The following CSMD1 variants were observed in gnomAD, a reference collection of about 807,000 sequenced individuals.
CSMD1 encodes CUB and sushi domain-containing protein 1.
A neutral mutation model predicts 417.5 loss-of-function variants in CSMD1; 213 were observed. The observed-to-expected ratio is 0.51, with a 90% CI of 0.46 to 0.57. The LOEUF (loss-of-function observed/expected upper bound fraction) is 0.57. Ranked by LOEUF, CSMD1 falls within the 20% of genes least tolerant of loss-of-function variation. The pLI, the probability that CSMD1 is intolerant of heterozygous loss-of-function variation, is 0.00. For missense variants in CSMD1, 6,923 were observed against 4,529.7 expected (o/e 1.53, Z -15.17); for synonymous variants, 2,862 against 1,736.8 (o/e 1.65, Z -16.11).
intron 7 of CSMD1, among the ~76,000 whole-genome samples, chr8:3,654,339 A>G (rs1276136208): frequency 6.6e-6 from 1 of 152,188 alleles, no homozygotes; most frequent in Non-Finnish European, 1.5e-5. Context: ...TAGAGTTTGA[A>G]AAGTTTGATG....
intron 17 of CSMD1, among the ~76,000 whole-genome samples, chr8:3,388,892 T>A (rs1036201135): frequency 9.4e-6 from 1 of 106,328 alleles, no homozygotes; most frequent in Non-Finnish European, 1.9e-5. Flanking sequence ...ACCACACACA[T>A]GCATACACAC....
chr8:3,655,698 A>G (rs547409789), intron 7 of CSMD1, among the ~76,000 whole-genome samples: 1 of 145,610 alleles, frequency 6.9e-6, no homozygotes, highest in Non-Finnish European at 1.5e-5. Context: ...CCACTGCTGT[A>G]TATCCACCCA....
intron 3 of CSMD1, among the ~76,000 whole-genome samples, chr8:4,131,777 T>TC (rs1803121209): frequency 6.8e-6 from 1 of 146,856 alleles, no homozygotes; most frequent in Non-Finnish European, 1.5e-5. Context: ...TTTTTTTTTT[T>TC]TTTGAGACGG....
chr8:3,130,420 C>T (rs1414459479), intron 41 of CSMD1, among the ~76,000 whole-genome samples: 3 of 152,112 alleles, frequency 2.0e-5, no homozygotes, highest in African/African-American at 7.2e-5. Flanking sequence ...ACTGCTTCCC[C>T]TGCTCTACTC....
At chr8:4,343,467 G>C (rs564418616) in intron 3 of CSMD1, among the ~76,000 whole-genome samples, 5 of 152,042 alleles carry the variant, frequency 3.3e-5, no homozygotes, top group South Asian at 4.1e-4. Flanking sequence ...ATGTTACTTA[G>C]CTTGATCATG....
chr8:4,919,016 G>A (rs140976584), intron 1 of CSMD1, among the ~76,000 whole-genome samples: 26 of 152,266 alleles, frequency 1.7e-4, no homozygotes, highest in African/African-American at 5.8e-4. Flanking sequence ...CAAAAGATAA[G>A]CCACTTAGGT....
At chr8:3,922,929 A>G (rs1035361001) in intron 5 of CSMD1, among the ~76,000 whole-genome samples, 4 of 152,212 alleles carry the variant, frequency 2.6e-5, no homozygotes, top group Admixed American at 1.3e-4. Context: ...TGGTCAACAA[A>G]TACCGAAACA....
At chr8:3,852,665 G>T (rs2975379) in intron 5 of CSMD1, among the ~76,000 whole-genome samples, 1 of 132,748 alleles carries the variant, frequency 7.5e-6, no homozygotes, top group Non-Finnish European at 1.6e-5. Context: ...GGCAGGCCAA[G>T]ATGAATGGTG....
At chr8:4,339,624 G>A (rs557745534) in intron 3 of CSMD1, among the ~76,000 whole-genome samples, 3 of 152,064 alleles carry the variant, frequency 2.0e-5, no homozygotes, top group East Asian at 1.9e-4. Flanking sequence ...ATGATTACCT[G>A]CCCACATAGG....
At chr8:4,480,688 G>A (rs529561454) in intron 2 of CSMD1, among the ~76,000 whole-genome samples, 1 of 152,218 alleles carries the variant, frequency 6.6e-6, no homozygotes, top group Admixed American at 6.5e-5. Flanking sequence ...TTGTGTAGCT[G>A]TGTATCCATC....
At chr8:4,057,118 TC>T (rs1798736864) in intron 3 of CSMD1, among the ~76,000 whole-genome samples, 1 of 152,214 alleles carries the variant, frequency 6.6e-6, no homozygotes, top group African/African-American at 2.4e-5. Flanking sequence ...CACACTGACT[TC>T]CACAAGGGTT....
chr8:3,541,704 A>G (rs1717710283), intron 10 of CSMD1, among the ~76,000 whole-genome samples: 1 of 149,148 alleles, frequency 6.7e-6, no homozygotes, highest in Non-Finnish European at 1.5e-5. Context: ...CAGAAAATTC[A>G]TTTTTCTTTA....
chr8:4,092,043 G>C lies in CSMD1; in HGVS notation c.416-59944C>G, dbSNP rs182435004. Among the ~76,000 whole-genome samples, 377 of 152,150 alleles carry C rather than the reference G, an allele frequency of 2.5e-3. 1 individual carries two copies. Among genetic ancestry groups the C allele is most frequent in the Non-Finnish European group, 4.0e-3 (269 of 67,986 alleles). ...TACGTAGCACATATCACAGGGAAGG[G>C]GGCAATTTTATTTCATTGCTAGCAC... On this transcript the variant is annotated intron_variant, in intron 3 of 69. Coordinates refer to ENST00000635120, the MANE Select transcript of CSMD1 (RefSeq NM_033225.6).
chr8:4,556,875 T>C (rs951183051), intron 2 of CSMD1, among the ~76,000 whole-genome samples: 6 of 152,190 alleles, frequency 3.9e-5, no homozygotes, highest in Admixed American at 2.6e-4. Context: ...ATGCAATGAT[T>C]CCAAACTCCC....
chr8:4,370,181 T>C (rs764374973), intron 3 of CSMD1, among the ~76,000 whole-genome samples: 22 of 152,170 alleles, frequency 1.4e-4, no homozygotes, highest in African/African-American at 3.9e-4. Context: ...GAAAAGAATT[T>C]CATTTCTCCT....
rs145229187 is a variant in CSMD1, at chr8:4,646,174, A to T, written c.86-8616T>A. Among the ~76,000 whole-genome samples, 885 of 152,304 alleles carry T rather than the reference A, an allele frequency of 5.8e-3. 8 individuals are homozygous for T. The highest frequency in any genetic ancestry group is 0.021 in the African/African-American group (854 of 41,568). On this transcript the variant is annotated intron_variant, in intron 1 of 69. Coordinates refer to ENST00000635120, the MANE Select transcript of CSMD1 (RefSeq NM_033225.6). ...CTTTTCTTATAGAAACATAGCACCC[A>T]TTGCCAGTGGAGAGAATTCTCTTCC...
intron 1 of CSMD1, chr8:4,787,527 G>T: frequency 1.7e-6 from 2 of 1,179,218 alleles, no homozygotes; most frequent in South Asian, 1.3e-5. Flanking sequence ...TAGGAAGCAG[G>T]TATTAAAACT....
chr8:3,194,895 G>C (rs562495416), intron 33 of CSMD1, among the ~76,000 whole-genome samples: 1 of 152,194 alleles, frequency 6.6e-6, no homozygotes, highest in South Asian at 2.1e-4. Context: ...GCCTGGGAGA[G>C]GAGAACCCAG....
chr8:4,038,271 TTAGAA>T (rs1218583172), intron 3 of CSMD1, among the ~76,000 whole-genome samples: 2 of 152,094 alleles, frequency 1.3e-5, no homozygotes, highest in African/African-American at 4.8e-5. Context: ...TAAGAATAAA[TTAGAA>T]TATTTTCTTC....
Sources: allele counts gnomAD v4.1 joint callset (sites outside exome capture counted in the v4.1 genomes callset), GRCh38; gene constraint gnomAD v4.1.1; transcripts MANE v1.5; gene names NCBI Gene and HGNC (gene_info 2026-07-23, HGNC 2026-07-21).